The following MCF2L variants were observed in gnomAD, a reference collection of about 807,000 sequenced individuals.
MCF2L encodes guanine nucleotide exchange factor DBS.
In MCF2L, 97 loss-of-function variants were observed where a neutral mutation model predicts 153.4. The observed-to-expected ratio is 0.63, with a 90% CI of 0.54 to 0.75. The LOEUF is 0.75. Ranked by LOEUF, MCF2L falls within the 30% of genes least tolerant of loss-of-function variation. The probability of loss-of-function intolerance (pLI) is 0.00; values close to 1 mark genes in which losing one functional copy is unlikely to be tolerated. For synonymous variants in MCF2L, 659 were observed against 632.2 expected, an observed-to-expected ratio of 1.04 and a Z score of -0.64; for missense variants, 1,347 against 1,495.2, an observed-to-expected ratio of 0.90 and a Z score of 1.64.
intron 2 of MCF2L, among the ~76,000 whole-genome samples, chr13:112,935,446 G>A (rs984134717): frequency 1.3e-5 from 2 of 152,056 alleles, no homozygotes; most frequent in Admixed American, 6.5e-5. Flanking sequence ...TAGTAGAGAT[G>A]GGATTTCACC....
intron 26 of MCF2L, 200 bp from the exon 27 acceptor site, chr13:113,094,314 C>A: frequency 2.4e-6 from 1 of 416,346 alleles, no homozygotes; most frequent in Non-Finnish European, 4.1e-6. Context: ...GGTCTCAAAC[C>A]CTGAAACGTG....
In MCF2L at chr13:113,018,258, G is replaced by A. The variant is rs922446299; in HGVS notation, c.163+3412G>A. Among the ~76,000 whole-genome samples, 20 of 152,322 alleles carry A rather than the reference G, an allele frequency of 1.3e-4. No homozygotes were observed. In the South Asian group the frequency reaches 3.9e-3, roughly 30 times the overall value. On this transcript the variant is annotated intron_variant, in intron 2 of 29. Coordinates refer to ENST00000535094, the MANE Select transcript of MCF2L (RefSeq NM_001112732.3). ...CTGGACTCTGTGTCTGTCATCCGCAGACAGCAGCTCCCCATTCAGCCTGTG... is the reference window on the plus strand; with the variant it reads ...CTGGACTCTGTGTCTGTCATCCGCAAACAGCAGCTCCCCATTCAGCCTGTG...
chr13:113,065,187 G>T, intron 7 of MCF2L, 102 bp downstream of exon 7: 3 of 1,436,900 alleles, frequency 2.1e-6, no homozygotes, highest in Non-Finnish European at 2.9e-6. Context: ...TCGTCCCAGC[G>T]GGAGTTTGTG....
chr13:113,072,266 T>C (rs1273277852), intron 9 of MCF2L, among the ~76,000 whole-genome samples: 1 of 152,234 alleles, frequency 6.6e-6, no homozygotes, highest in Non-Finnish European at 1.5e-5. Context: ...TAGACCATCA[T>C]GTCATGTGCA....
chr13:112,931,123 CT>C (rs2081458659), intron 2 of MCF2L, among the ~76,000 whole-genome samples: 1 of 152,196 alleles, frequency 6.6e-6, no homozygotes, highest in African/African-American at 2.4e-5. Flanking sequence ...CTTCTGGGGC[CT>C]CCCAGTGGGG....
chr13:113,086,802 T>C (rs2034677317), intron 21 of MCF2L, among the ~76,000 whole-genome samples: 1 of 152,086 alleles, frequency 6.6e-6, no homozygotes, highest in African/African-American at 2.4e-5. Flanking sequence ...GTGAGATAAT[T>C]GAGTATAAAT....
exon 2 of MCF2L, chr13:112,902,235 G>C (rs778754914): frequency 1.2e-6 from 2 of 1,612,738 alleles, no homozygotes; most frequent in African/African-American, 1.3e-5. Context: ...TCCTGTGCAA[G>C]AGACCTGGAA....
intron 2 of MCF2L, among the ~76,000 whole-genome samples, chr13:112,905,023 C>T (rs545892265): frequency 6.6e-6 from 1 of 152,304 alleles, no homozygotes; most frequent in African/African-American, 2.4e-5. Flanking sequence ...CACCAGTGTC[C>T]ATCTTCAGAA....
chr13:112,973,009 C>T lies in MCF2L; in HGVS notation c.79+3551C>T, dbSNP rs527457813. 2.0e-5 allele frequency among the ~76,000 whole-genome samples: 3 copies of T among 151,876 alleles called. No individual in the cohort carries two copies. In the South Asian group the frequency reaches 6.2e-4, roughly 32 times the overall value. Reference sequence around the variant, plus strand: ...GGACCACCACACAGGCACAGCTGTTCGGCACCCCCCAGTTGCAGGTCTCAG... The same window carrying T: ...GGACCACCACACAGGCACAGCTGTTTGGCACCCCCCAGTTGCAGGTCTCAG... On this transcript the variant is annotated intron_variant, in intron 1 of 29. Transcript: ENST00000535094.
chr13:112,997,677 C>A (rs1482342166), intron 1 of MCF2L, among the ~76,000 whole-genome samples: 1 of 152,200 alleles, frequency 6.6e-6, no homozygotes, highest in Non-Finnish European at 1.5e-5. Flanking sequence ...AGAAAGCAAC[C>A]CCCCATCCAG....
chr13:113,061,589 C>T (rs1267756176), intron 5 of MCF2L, among the ~76,000 whole-genome samples: 1 of 151,704 alleles, frequency 6.6e-6, no homozygotes, highest in African/African-American at 2.4e-5. Flanking sequence ...TCCCTCCCCA[C>T]CCTCGTTGCG....
At position 113,089,642 on chromosome 13, in the gene MCF2L, A is replaced by G. The variant is rs2142074063; in HGVS notation, c.2867A>G (p.Lys956Arg). Residue 956 changes from lysine (K) to arginine (R), a missense_variant, in exon 26 of 30, where the codon AAG becomes AGG. Physicochemically the swap from Lys to Arg is conservative, Grantham distance 26. Around this residue, in one of 3 missense-constraint regions of MCF2L, gnomAD observed 383 missense variants for 335.4 expected, o/e 1.14. Coordinates refer to ENST00000535094, the MANE Select transcript of MCF2L (RefSeq NM_001112732.3). ...PSRGNSRNIKKLEERKTDPLS... is the reference protein window; with the variant it reads ...PSRGNSRNIKRLEERKTDPLS... ...AGAGGAAACTCAAGGAACATCAAGA[A>G]GCTGGAAGAAAGGAAAACAGACCCC... The G allele has an allele frequency of 6.2e-7, 1 of 1,613,908 alleles. No homozygotes were observed. The highest frequency in any genetic ancestry group is 2.2e-5 in the East Asian group (1 of 44,886).
At chr13:112,895,770 T>C (rs1252758764) in intron 1 of MCF2L, among the ~76,000 whole-genome samples, 4 of 152,082 alleles carry the variant, frequency 2.6e-5, no homozygotes, top group Non-Finnish European at 4.4e-5. Flanking sequence ...CTCTTCCCCA[T>C]CCTGTGGGGC....
intron 4 of MCF2L, among the ~76,000 whole-genome samples, chr13:113,050,244 G>A (rs1340326560): frequency 4.0e-5 from 6 of 149,742 alleles, no homozygotes; most frequent in Non-Finnish European, 7.4e-5. Flanking sequence ...GAGTGTGTGC[G>A]CGAGTGGGAG....
intron 2 of MCF2L, among the ~76,000 whole-genome samples, chr13:112,945,351 TATA>T (rs1207137686): frequency 6.6e-6 from 1 of 152,198 alleles, no homozygotes; most frequent in Non-Finnish European, 1.5e-5. Context: ...TGCAAGAAGT[TATA>T]ATAACTGTGG....
chr13:113,054,469 A>G lies in MCF2L; in HGVS notation c.370-6124A>G, dbSNP rs1190661436. ...GCCCATTGTTTTCCTCACCCGGTCC[A>G]GCGTCTCTGATTCCGGCTCTAACGT... On this transcript the variant is annotated intron_variant, in intron 4 of 29. Transcript: ENST00000535094. This position sits in a 1 kb window ranked among gnomAD's most constrained non-coding sequence, Gnocchi z 5.2. 2 of 166,496 alleles carry G rather than the reference A, an allele frequency of 1.2e-5. No individual in the cohort carries two copies. The highest frequency in any genetic ancestry group is 1.9e-4 in the East Asian group (1 of 5,210). 10.3% of individuals were successfully genotyped at this position (166,496 alleles called of 1,614,324 possible). A position where few individuals can be genotyped will look rare whatever the true frequency, so the allele number is the denominator to read the frequency against.
At chr13:112,971,448 A>G (rs1023726059) in intron 1 of MCF2L, among the ~76,000 whole-genome samples, 5 of 152,144 alleles carry the variant, frequency 3.3e-5, no homozygotes, top group Admixed American at 6.5e-5. Context: ...TGGCGGGGCT[A>G]GGTCACAGCT....
chr13:112,918,587 G>C (rs907418954), intron 2 of MCF2L, among the ~76,000 whole-genome samples: 1 of 152,186 alleles, frequency 6.6e-6, no homozygotes, highest in African/African-American at 2.4e-5. Context: ...GGATGCAGGG[G>C]CGTGGGGTGG....
chr13:112,959,527 G>C (rs1231053193), intron 2 of MCF2L, among the ~76,000 whole-genome samples: 1 of 152,104 alleles, frequency 6.6e-6, no homozygotes, highest in Non-Finnish European at 1.5e-5. Flanking sequence ...CCTGGGGGGA[G>C]AACTCCTGGC....
Sources: gnomAD v4.1 joint callset for allele counts (sites outside exome capture counted in the v4.1 genomes callset) on GRCh38, gnomAD v4.1.1 for gene constraint, gnomAD v4.1.1 regional missense constraint, Gnocchi (gnomAD v3.1) non-coding constraint, MANE v1.5 for transcripts, NCBI Gene and HGNC (gene_info 2026-07-23, HGNC 2026-07-21) for gene names.